Variants in MMEL1 observed in about 807,000 individuals in gnomAD.
MMEL1 encodes the protein membrane metallo-endopeptidase-like 1.
In MMEL1, 98 loss-of-function variants were observed where a neutral mutation model predicts 117.1. The observed-to-expected ratio is 0.84, with a 90% confidence interval of 0.71 to 0.99. The LOEUF is 0.99. Ranked by LOEUF, MMEL1 falls within the 50% of genes least tolerant of loss-of-function variation. The pLI is 0.00. For missense variants in MMEL1, 1,014 were observed against 1,049.1 expected (o/e 0.97, Z 0.46); for synonymous variants, 390 against 415.1 (o/e 0.94, Z 0.74).
intron 13 of MMEL1, among the ~76,000 whole-genome samples, chr1:2,597,793 C>T (rs974931154): frequency 1.3e-5 from 2 of 152,206 alleles, no homozygotes; most frequent in African/African-American, 4.8e-5. Context: ...CCCGTGGTCA[C>T]CTCGCCTCCC....
chr1:2,594,482 G>A (rs771514264), intron 17 of MMEL1, 39 bp from the exon 18 acceptor site: 41 of 1,549,640 alleles, frequency 2.6e-5, no homozygotes, highest in Middle Eastern at 3.3e-4. Context: ...CCGCCTCTCC[G>A]GGGACCCTCC....
chr1:2,628,197 G>A (rs1046377963), intron 2 of MMEL1, among the ~76,000 whole-genome samples: 1 of 152,192 alleles, frequency 6.6e-6, no homozygotes, highest in African/African-American at 2.4e-5. Flanking sequence ...CATGGAGGTC[G>A]CAGGACCCCT....
chr1:2,607,110 G>A, intron 6 of MMEL1, 41 bp from the exon 7 acceptor site: 4 of 1,559,628 alleles, frequency 2.6e-6, no homozygotes, highest in Non-Finnish European at 3.5e-6. Flanking sequence ...GCCTCCCTGT[G>A]GCTCACGTGC....
chr1:2,630,638 C>T (rs187948507), intron 1 of MMEL1, among the ~76,000 whole-genome samples: 2,088 of 147,110 alleles, frequency 0.014, 21 homozygotes, highest in Admixed American at 0.024. Flanking sequence ...TGCCTGTGCT[C>T]GCGTGTGTGC....
In MMEL1 at chr1:2,606,236, C is replaced by A. The variant is rs762068058; in HGVS notation, c.750+12G>T. On this transcript the variant is annotated intron_variant, in intron 8 of 23. Transcript: ENST00000378412. ...GACCCTGCCTACCCCTGCCCACCGGCGCGGCTCGTACGTAGATGATGTGCC... is the reference window on the plus strand; with the variant it reads ...GACCCTGCCTACCCCTGCCCACCGGAGCGGCTCGTACGTAGATGATGTGCC... 41 of 1,608,526 alleles carry A rather than the reference C, an allele frequency of 2.5e-5. No individual in the cohort carries two copies. Among genetic ancestry groups the A allele is most frequent in the Admixed American group, 3.3e-5 (2 of 59,998 alleles).
At chr1:2,602,445 A>G (rs1325720716) in intron 11 of MMEL1, among the ~76,000 whole-genome samples, 1 of 152,016 alleles carries the variant, frequency 6.6e-6, no homozygotes. Flanking sequence ...TCACTTCCAT[A>G]TTTAGTCCTT....
rs1299343618 is a variant in MMEL1 at position 2,595,339 on chromosome 1, C to G, written c.1521G>C (p.Gln507His). ...AQEKAMSIRE[Q>H]IGHPDYILEE... ...CCAGGATGTAGTCAGGGTGCCCGAT[C>G]TGCTCCCGGATGCTCATGGCCTGAG... Residue 507 changes from glutamine (Q) to histidine (H), a missense_variant, in exon 16 of 24, where the codon CAG becomes CAC. Gln to His is a conservative substitution (Grantham distance 24, BLOSUM62 0). Coordinates refer to ENST00000378412, the MANE Select transcript of MMEL1 (RefSeq NM_033467.4). This position sits in a 1 kb window ranked among gnomAD's most constrained non-coding sequence, Gnocchi z 4.8. 3.7e-6 allele frequency: 6 copies of G among 1,613,952 alleles called. No homozygotes were observed. Among genetic ancestry groups the G allele is most frequent in the Non-Finnish European group, 5.1e-6 (6 of 1,179,994 alleles).
intron 19 of MMEL1, 130 bp from the exon 20 acceptor site, chr1:2,593,096 A>T (rs1458261856): frequency 1.9e-5 from 22 of 1,188,372 alleles, no homozygotes; most frequent in Middle Eastern, 2.9e-4. Context: ...CCACAGTCTG[A>T]GTAGGCTGAG....
At chr1:2,628,217 G>A (rs2100968198) in intron 2 of MMEL1, among the ~76,000 whole-genome samples, 1 of 152,290 alleles carries the variant, frequency 6.6e-6, no homozygotes, top group Non-Finnish European at 1.5e-5. Context: ...TCTGTCCCAG[G>A]GGAGACCCTA....
Position 2,592,968 on chromosome 1 carries a change from T to TGGGCAG in MMEL1, c.1868-8_1868-3dup, listed in dbSNP as rs1644765638. Reference sequence around the variant, plus strand: ...TGCCATTCTTGTCGAAGTTCCGGCCTGGGCAGGGGCAGAGGAGGGCTGCCC... The same window carrying TGGGCAG: ...TGCCATTCTTGTCGAAGTTCCGGCCTGGGCAGGGGCAGGGGCAGAGGAGGGCTGCCC... On this transcript the variant is annotated splice_polypyrimidine_tract_variant and splice_region_variant and intron_variant, in intron 19 of 23. Transcript: ENST00000378412. 6.2e-7 allele frequency: 1 copy of TGGGCAG among 1,612,900 alleles called. No individual in the cohort carries two copies. The highest frequency in any genetic ancestry group is 1.7e-5 in the Admixed American group (1 of 59,980).
chr1:2,603,775 T>C, intron 11 of MMEL1, 109 bp downstream of exon 11: 1 of 964,256 alleles, frequency 1.0e-6, no homozygotes. Flanking sequence ...GGATGGGGAA[T>C]GTTTCTGAGC....
intron 8 of MMEL1, 142 bp from the exon 9 acceptor site, chr1:2,605,765 G>A (rs978604874): frequency 5.5e-5 from 34 of 622,510 alleles, no homozygotes; most frequent in Non-Finnish European, 8.5e-5. Flanking sequence ...AGCTTGTGCC[G>A]GACCCGGGAG....
Position 2,592,868 on chromosome 1 carries a change from C to A in MMEL1, c.1966G>T (p.Gly656Cys). ...TCTGCCAGGTCCCAGGAGTAGTTGCCGTACTGGTAGATCATGCACTCTGAC... is the reference window on the plus strand; with the variant it reads ...TCTGCCAGGTCCCAGGAGTAGTTGCAGTACTGGTAGATCATGCACTCTGAC... ...EQSECMIYQY[G>C]NYSWDLADEQ... The change falls in exon 20 of 24, where the codon GGC becomes TGC. Residue 656 changes from glycine to cysteine, a missense_variant. Physicochemically the swap from Gly to Cys is radical, Grantham distance 159. Transcript: ENST00000378412. 6.2e-7 allele frequency: 1 copy of A among 1,613,712 alleles called. No individual in the cohort carries two copies. Among genetic ancestry groups the A allele is most frequent in the Non-Finnish European group, 8.5e-7 (1 of 1,179,930 alleles).
At chr1:2,611,906 A>G (rs1645135802) in intron 3 of MMEL1, among the ~76,000 whole-genome samples, 1 of 152,146 alleles carries the variant, frequency 6.6e-6, no homozygotes, top group South Asian at 2.1e-4. Context: ...TGCTGAGGCC[A>G]CGCAGGAGCA....
Position 2,600,716 on chromosome 1 carries a change from C to A in MMEL1, c.1042-1926G>T, listed in dbSNP as rs1644917826. On this transcript the variant is annotated intron_variant, in intron 11 of 23. Transcript: ENST00000378412. ...AACAAACAAACAAACAAAACCCAAC[C>A]CCCCTGTTTTTTTACAAATGATATG... 3.2e-5 allele frequency among the ~76,000 whole-genome samples: 3 copies of A among 95,180 alleles called. No homozygotes were observed. In the South Asian group the frequency reaches 8.9e-4, roughly 28 times the overall value. The allele number at this position is 95,180 out of a possible 152,430, so 62.4% of individuals were successfully genotyped here.
rs767179647 is a variant in MMEL1, at chr1:2,629,822, C to A, written c.-37-301G>T. 1.1e-3 allele frequency: 41 copies of A among 39,004 alleles called. 2 individuals carry two copies. The highest frequency in any genetic ancestry group is 2.2e-3 in the Non-Finnish European group (31 of 13,956). The allele number at this position is 39,004 out of a possible 1,614,324, so 2.4% of individuals were successfully genotyped here. The stretch of plus-strand genomic sequence containing the variant: ...TGTCAAGGGACTCCTGTAGTGGAGC[C>A]CCCCCCCTGGGCTGCTCATGCTGGT... On this transcript the variant is annotated intron_variant, in intron 1 of 23. Coordinates refer to ENST00000378412, the MANE Select transcript of MMEL1 (RefSeq NM_033467.4).
At chr1:2,596,477 G>T in intron 14 of MMEL1, 84 bp downstream of exon 14, 1 of 1,539,090 alleles carries the variant, frequency 6.5e-7, no homozygotes, top group Non-Finnish European at 8.8e-7. Flanking sequence ...CTGAGCCTGG[G>T]CGGGGTGGGA....
rs769394583 is a variant in MMEL1, at chr1:2,607,040, G to A, written c.565C>T (p.Leu189=). 16 of 1,613,442 alleles carry A rather than the reference G, an allele frequency of 9.9e-6. No individual in the cohort carries two copies. In the South Asian group the frequency reaches 1.5e-4, roughly 15 times the overall value. The part of the protein sequence containing the change: ...SVIEKRGSQP[L]LDILEVVGGW... Reference sequence around the variant, plus strand: ...CCCACCACCTCCAAGATGTCCAGCAGGGGCTGAGAGCCTCGCTTCTCTATC... The same window carrying A: ...CCCACCACCTCCAAGATGTCCAGCAAGGGCTGAGAGCCTCGCTTCTCTATC... Residue 189 remains leucine, a synonymous_variant, in exon 7 of 24, where the codon CTG becomes TTG. Transcript: ENST00000378412.
At chr1:2,632,290 G>A (rs1010506628) in intron 1 of MMEL1, among the ~76,000 whole-genome samples, 1 of 152,162 alleles carries the variant, frequency 6.6e-6, no homozygotes, top group Non-Finnish European at 1.5e-5. Flanking sequence ...TCAGCTCCAC[G>A]GGCAGGGGCA....
Sources: allele counts gnomAD v4.1 joint callset (sites outside exome capture counted in the v4.1 genomes callset), GRCh38; gene constraint gnomAD v4.1.1; non-coding constraint Gnocchi (gnomAD v3.1); transcripts MANE v1.5; gene names NCBI Gene and HGNC (gene_info 2026-07-23, HGNC 2026-07-21).